VPS8: variants seen among roughly 807,000 people sequenced by gnomAD.
VPS8 encodes the protein vacuolar protein sorting-associated protein 8 homolog.
In VPS8, 129 loss-of-function variants were observed where a neutral mutation model predicts 216.4. The observed-to-expected ratio is 0.60, with a 90% CI of 0.52 to 0.69. The LOEUF is 0.69. Ranked by LOEUF, VPS8 falls within the 30% of genes least tolerant of loss-of-function variation. VPS8 has a pLI of 0.00. For synonymous variants in VPS8, 571 were observed against 565.4 expected, an observed-to-expected ratio of 1.01 and a Z score of -0.14; for missense variants, 1,531 against 1,683.5, an observed-to-expected ratio of 0.91 and a Z score of 1.59.
intron 36 of VPS8, among the ~76,000 whole-genome samples, chr3:184,950,216 C>CTCT (rs1744425690): frequency 2.5e-5 from 1 of 39,930 alleles, no homozygotes; most frequent in Non-Finnish European, 4.1e-5. Context: ...CAGTTTTCTG[C>CTCT]TTTTTTTTTT....
At chr3:184,914,852 CCTAA>C in intron 26 of VPS8, 125 bp from the exon 27 acceptor site, 2 of 896,308 alleles carry the variant, frequency 2.2e-6, no homozygotes, top group Non-Finnish European at 3.6e-6. Context: ...TGGAACTTGA[CCTAA>C]CTGACAAAAG....
chr3:184,882,270 G>T (rs1390167081), intron 21 of VPS8: 1 of 405,998 alleles, frequency 2.5e-6, no homozygotes, highest in Admixed American at 2.9e-5. Context: ...TTCTAAGAGG[G>T]TTTTCATGAA....
intron 43 of VPS8, 131 bp from the exon 44 acceptor site, chr3:184,996,201 C>T (rs1752587748): frequency 1.8e-6 from 2 of 1,088,554 alleles, no homozygotes; most frequent in African/African-American, 1.6e-5. Flanking sequence ...CAATGTTATC[C>T]CTTTATAGTG....
chr3:184,874,608 G>A (rs912702427), intron 21 of VPS8, among the ~76,000 whole-genome samples: 1 of 152,166 alleles, frequency 6.6e-6, no homozygotes, highest in Non-Finnish European at 1.5e-5. Flanking sequence ...GAAGATCTAG[G>A]TGGACAGGGT....
chr3:185,041,246 C>T (rs753270726), intron 46 of VPS8, among the ~76,000 whole-genome samples: 2 of 152,060 alleles, frequency 1.3e-5, no homozygotes, highest in Non-Finnish European at 2.9e-5. Flanking sequence ...CCTTACAGCT[C>T]ATCATCAGAG....
chr3:184,878,815 G>A (rs1316500021), intron 21 of VPS8, among the ~76,000 whole-genome samples: 1 of 152,160 alleles, frequency 6.6e-6, no homozygotes, highest in Non-Finnish European at 1.5e-5. Flanking sequence ...CTATATTGCT[G>A]TTTGGGATGT....
intron 5 of VPS8, among the ~76,000 whole-genome samples, chr3:184,836,932 CT>C (rs921716400): frequency 5.3e-5 from 8 of 152,020 alleles, no homozygotes; most frequent in South Asian, 2.1e-4. Context: ...TTCAAAGTAA[CT>C]TTTTTTTAAG....
intron 21 of VPS8, among the ~76,000 whole-genome samples, chr3:184,872,927 A>G (rs985289363): frequency 1.3e-5 from 2 of 152,180 alleles, no homozygotes; most frequent in Non-Finnish European, 1.5e-5. Flanking sequence ...CAGAACATCT[A>G]TAAATATGGA....
chr3:184,979,106 G>A (rs1356782744), intron 40 of VPS8, among the ~76,000 whole-genome samples: 2 of 151,926 alleles, frequency 1.3e-5, no homozygotes, highest in African/African-American at 2.4e-5. Context: ...TAATTGCATG[G>A]TTTTGAGAGA....
At chr3:185,018,824 GC>G (rs1263285830) in intron 45 of VPS8, among the ~76,000 whole-genome samples, 1 of 152,188 alleles carries the variant, frequency 6.6e-6, no homozygotes, top group African/African-American at 2.4e-5. Flanking sequence ...CTTCTAGCTT[GC>G]TGAATTCCTG....
intron 30 of VPS8, 74 bp downstream of exon 30, chr3:184,925,055 C>T: frequency 6.6e-7 from 1 of 1,512,090 alleles, no homozygotes; most frequent in African/African-American, 1.4e-5. Flanking sequence ...TACACTGTTT[C>T]CTGATGTGAC....
chr3:184,867,656 G>T (rs1727610111), intron 17 of VPS8, among the ~76,000 whole-genome samples: 1 of 152,148 alleles, frequency 6.6e-6, no homozygotes, highest in Non-Finnish European at 1.5e-5. Flanking sequence ...GACCAGCCTG[G>T]CCAACATGGC....
At chr3:184,828,984 A>G (rs959149925) in intron 3 of VPS8, among the ~76,000 whole-genome samples, 1 of 152,220 alleles carries the variant, frequency 6.6e-6, no homozygotes, top group Non-Finnish European at 1.5e-5. Flanking sequence ...GGAATTATAT[A>G]GTGTGTACTT....
intron 36 of VPS8, among the ~76,000 whole-genome samples, chr3:184,950,537 A>G (rs1300591379): frequency 6.6e-6 from 1 of 151,802 alleles, no homozygotes; most frequent in African/African-American, 2.4e-5. Context: ...TTCCAACGCA[A>G]TGTTTATTTT....
chr3:184,936,401 T>C, intron 35 of VPS8, 66 bp downstream of exon 35: 1 of 1,384,564 alleles, frequency 7.2e-7, no homozygotes, highest in Non-Finnish European at 1.0e-6. Flanking sequence ...AATCGTCACC[T>C]AAGAAGTTTT....
At chr3:184,945,150 T>C (rs920545110) in intron 36 of VPS8, among the ~76,000 whole-genome samples, 4 of 151,772 alleles carry the variant, frequency 2.6e-5, no homozygotes, top group African/African-American at 9.7e-5. Context: ...AGCTCCTCTC[T>C]CTCTTTCTCT....
At chr3:184,886,257 T>C (rs756082573) in intron 22 of VPS8, 101 bp downstream of exon 22, 5 of 1,087,228 alleles carry the variant, frequency 4.6e-6, no homozygotes, top group Non-Finnish European at 6.6e-6. Context: ...TGAATAGATT[T>C]AAAAATATTA....
chr3:185,008,406 AGTTCC>A (rs773830771), intron 45 of VPS8, among the ~76,000 whole-genome samples: 175 of 152,362 alleles, frequency 1.1e-3, no homozygotes, highest in Middle Eastern at 0.01. Context: ...AAATAACCAT[AGTTCC>A]CACTATCATG....
intron 1 of VPS8, among the ~76,000 whole-genome samples, chr3:184,819,538 T>C (rs1294086892): frequency 4.6e-5 from 7 of 152,212 alleles, no homozygotes; most frequent in African/African-American, 2.4e-5. Context: ...GAGTGAAATA[T>C]TAAGCATCAT....
Sources: allele counts gnomAD v4.1 joint callset (sites outside exome capture counted in the v4.1 genomes callset), GRCh38; gene constraint gnomAD v4.1.1; transcripts MANE v1.5; gene names NCBI Gene and HGNC (gene_info 2026-07-23, HGNC 2026-07-21).